C16orf96: variants seen among roughly 807,000 people sequenced by gnomAD.
The protein encoded by C16orf96 is uncharacterized protein C16orf96.
In C16orf96, 108 loss-of-function variants were observed where a neutral mutation model predicts 103.6. That is an observed-to-expected ratio of 1.04 (90% CI 0.89 to 1.22). C16orf96 has a LOEUF of 1.22. C16orf96 is among the 50% of genes most tolerant of loss of function. The pLI is 0.00. For missense variants in C16orf96, 1,586 were observed against 1,464.2 expected, an observed-to-expected ratio of 1.08 and a Z score of -1.36; for synonymous variants, 566 against 593.5, an observed-to-expected ratio of 0.95 and a Z score of 0.67.
At position 4,591,672 on chromosome 16, in the gene C16orf96, CA is replaced by C; in HGVS notation, c.2600del (p.His867ProfsTer7). 6.4e-7 allele frequency: 1 copy of C among 1,551,022 alleles called. No individual in the cohort carries two copies. Among genetic ancestry groups the C allele is most frequent in the East Asian group, 2.4e-5 (1 of 40,906 alleles). On this transcript the variant is annotated frameshift_variant, in exon 10 of 16. Coordinates refer to ENST00000444310, the MANE Select transcript of C16orf96 (RefSeq NM_001145011.2). LOFTEE classifies it high-confidence loss of function. Reference protein sequence around the residue: ...LSKDVNTKLVHSDLDPLKKEM... With the variant: ...LSKDVNTKLVXSDLDPLKKEM... Reference sequence around the variant, plus strand: ...TCCCCTTGGCTGTTGGCAGTTAGTCCACAGTGATCTGGATCCCTTGAAGAAA... The same window carrying C: ...TCCCCTTGGCTGTTGGCAGTTAGTCCCAGTGATCTGGATCCCTTGAAGAAA...
intron 1 of C16orf96, among the ~76,000 whole-genome samples, chr16:4,562,395 T>C (rs146805347): frequency 0.03 from 4,413 of 149,032 alleles, 223 homozygotes; most frequent in African/African-American, 0.1. Flanking sequence ...TGCTTGAGCC[T>C]GGGAGGTCGA....
At chr16:4,579,807 C>G (rs1044418967) in intron 6 of C16orf96, among the ~76,000 whole-genome samples, 1 of 151,982 alleles carries the variant, frequency 6.6e-6, no homozygotes. Context: ...AGACTGGTTT[C>G]GCCGTGTTGG....
At chr16:4,550,545 T>C in the C16orf96 span, among the ~76,000 whole-genome samples, 1 of 152,196 alleles carries the variant, frequency 6.6e-6, no homozygotes, top group Admixed American at 6.5e-5. Context: ...CATGTACTCA[T>C]TTTGGGAGAT....
chr16:4,562,957 T>A (rs903008555), intron 1 of C16orf96: 2 of 1,379,156 alleles, frequency 1.5e-6, no homozygotes, highest in East Asian at 4.6e-5. Flanking sequence ...ATTAGCACTT[T>A]GCCTTTAAAA....
At chr16:4,555,210 C>T (rs1204354169), upstream of C16orf96, among the ~76,000 whole-genome samples, 13 of 149,530 alleles carry the variant, frequency 8.7e-5, no homozygotes, top group Admixed American at 7.3e-4. Context: ...TTGCAGTGAG[C>T]GGAGATCGCG....
At chr16:4,563,294 G>T (rs1267255298) in intron 1 of C16orf96, among the ~76,000 whole-genome samples, 2 of 152,156 alleles carry the variant, frequency 1.3e-5, no homozygotes, top group Non-Finnish European at 2.9e-5. Flanking sequence ...CTGTCGCCCA[G>T]GCTGGGGTGC....
intron 5 of C16orf96, among the ~76,000 whole-genome samples, chr16:4,577,704 C>T (rs933120883): frequency 3.3e-5 from 5 of 152,056 alleles, no homozygotes; most frequent in African/African-American, 1.2e-4. Flanking sequence ...GCCTGTAATC[C>T]CAGTCCCTTG....
chr16:4,538,869 A>T, the C16orf96 span: 2 of 152,226 alleles, frequency 1.3e-5, no homozygotes, highest in East Asian at 1.9e-4. Context: ...CGCCGTGATG[A>T]CGTCAGTGGG....
rs2059502742 is a variant in C16orf96 at position 4,576,037 on chromosome 16, C to G, written c.1557C>G (p.Pro519=). ...ATAGAGGTGGCAAGGATGTGGACCC[C>G]AAGGATAGAGCTCACAAGGATGATG... ...PKDRGGKDVD[P]KDRAHKDDVP... is the part of the protein sequence containing the mutation. The change falls in exon 5 of 16, where the codon CCC becomes CCG. Residue 519 remains proline (P), a synonymous_variant. Transcript: ENST00000444310. The G allele has an allele frequency of 6.4e-7, 1 of 1,551,334 alleles. No individual in the cohort carries two copies. Among genetic ancestry groups the G allele is most frequent in the Non-Finnish European group, 8.7e-7 (1 of 1,146,850 alleles).
upstream of C16orf96, among the ~76,000 whole-genome samples, chr16:4,556,130 T>C (rs2059260403): frequency 6.6e-6 from 1 of 152,126 alleles, no homozygotes; most frequent in Admixed American, 6.6e-5. Context: ...TATGTGCTTC[T>C]AGGAAAAAGT....
chr16:4,591,086 C>G (rs1319985070), intron 9 of C16orf96, among the ~76,000 whole-genome samples: 2 of 152,018 alleles, frequency 1.3e-5, no homozygotes, highest in African/African-American at 4.8e-5. Flanking sequence ...ACTTGGGAGG[C>G]TGAGGCAGAA....
chr16:4,538,765 C>G, the C16orf96 span: 3 of 152,242 alleles, frequency 2.0e-5, no homozygotes, highest in Non-Finnish European at 2.9e-5. Flanking sequence ...AGCTGGCAGT[C>G]GCACTTCTGT....
At position 4,591,788 on chromosome 16, in the gene C16orf96, A is replaced by G; in HGVS notation, c.2711+4A>G. On this transcript the variant is annotated splice_donor_region_variant and intron_variant, in intron 10 of 15. Coordinates refer to ENST00000444310, the MANE Select transcript of C16orf96 (RefSeq NM_001145011.2). ...ACAGTGCTGCTGGCTTTAGGAGGTG[A>G]GTGCCCGCCCGAGCCCCTCCTGGTA... 3.3e-6 allele frequency: 5 copies of G among 1,531,922 alleles called. No homozygotes were observed. The highest frequency in any genetic ancestry group is 4.4e-6 in the Non-Finnish European group (5 of 1,138,198). 94.9% of individuals were successfully genotyped at this position (1,531,922 alleles called of 1,614,324 possible). A position where few individuals can be genotyped will look rare whatever the true frequency, so the allele number is the denominator to read the frequency against.
chr16:4,584,193 G>C (rs1896859390), intron 7 of C16orf96, among the ~76,000 whole-genome samples: 1 of 151,934 alleles, frequency 6.6e-6, no homozygotes. Flanking sequence ...GTAAGACTTA[G>C]GTTTCCCAGT....
At chr16:4,547,726 T>TTCTC in the C16orf96 span, among the ~76,000 whole-genome samples, 2 of 108,818 alleles carry the variant, frequency 1.8e-5, no homozygotes, top group African/African-American at 5.7e-5. Flanking sequence ...CTTTCTTTCT[T>TTCTC]TCTTTCTTTC....
the C16orf96 span, among the ~76,000 whole-genome samples, chr16:4,551,202 T>C: frequency 6.6e-6 from 1 of 152,156 alleles, no homozygotes; most frequent in South Asian, 2.1e-4. Flanking sequence ...ACCCAGGTGT[T>C]TGAGGCTGCG....
At chr16:4,584,544 T>G (rs1355646684) in intron 7 of C16orf96, among the ~76,000 whole-genome samples, 1 of 151,310 alleles carries the variant, frequency 6.6e-6, no homozygotes, top group Non-Finnish European at 1.5e-5. Context: ...TTGTTTTTTG[T>G]TTTTGTTCGA....
chr16:4,575,533 G>T lies in C16orf96; in HGVS notation c.1053G>T (p.Gly351=). The change falls in exon 5 of 16, where the codon GGG becomes GGT. Residue 351 remains glycine (G), a synonymous_variant. Coordinates refer to ENST00000444310, the MANE Select transcript of C16orf96 (RefSeq NM_001145011.2). ...AGCTGGAGCCTGTGCCTGCCCTGGG[G>T]CCTGTCCCAGGGCCCAGTGTGACAC... is the stretch of plus-strand genomic sequence containing the variant. ...GLELEPVPAL[G]PVPGPSVTPG... The T allele has an allele frequency of 6.5e-7, 1 of 1,542,606 alleles. No individual in the cohort carries two copies. Among genetic ancestry groups the T allele is most frequent in the Non-Finnish European group, 8.7e-7 (1 of 1,144,286 alleles).
Position 4,576,141 on chromosome 16 carries a change from C to T in C16orf96, c.1661C>T (p.Pro554Leu), listed in dbSNP as rs2059504484. The stretch of plus-strand genomic sequence containing the variant: ...GATGGGGCCCCCAAGGAAGCACAGC[C>T]TAAGGCTCCCCAGTCTGCCCTTCAC... ...GKDGAPKEAQPKAPQSALHRL... is the reference protein window; with the variant it reads ...GKDGAPKEAQLKAPQSALHRL... Residue 554 changes from proline (P) to leucine (L), a missense_variant, in exon 5 of 16, where the codon CCT becomes CTT. Transcript: ENST00000444310. 6.4e-7 allele frequency: 1 copy of T among 1,551,466 alleles called. No individual in the cohort carries two copies. The highest frequency in any genetic ancestry group is 2.4e-5 in the East Asian group (1 of 40,922).
Sources: allele counts gnomAD v4.1 joint callset (sites outside exome capture counted in the v4.1 genomes callset), GRCh38; gene constraint gnomAD v4.1.1; transcripts MANE v1.5; gene names NCBI Gene and HGNC (gene_info 2026-07-23, HGNC 2026-07-21).